LIMS1: variants seen among roughly 807,000 people sequenced by gnomAD.
LIMS1 encodes the protein LIM zinc finger domain containing 1.
LIMS1 carries 18 observed loss-of-function variants against 44.1 expected under a neutral mutation model. The ratio of observed to expected loss-of-function variants is 0.41; its 90% confidence interval spans 0.28 to 0.61. LIMS1 has a LOEUF of 0.61. Among genes scored for constraint, LIMS1 ranks in the 20% least tolerant of loss-of-function variants. The pLI, the probability that LIMS1 is intolerant of heterozygous loss-of-function variation, is 0.32. For synonymous variants in LIMS1, 93 were observed against 149.1 expected (o/e 0.62, Z 2.74); for missense variants, 201 against 422.0 (o/e 0.48, Z 4.59).
chr2:108,647,486 C>G (rs1311150206), intron 1 of LIMS1, among the ~76,000 whole-genome samples: 1 of 152,172 alleles, frequency 6.6e-6, no homozygotes, highest in African/African-American at 2.4e-5. Flanking sequence ...CATCCTGATA[C>G]CAAAACCTGG....
At chr2:108,596,994 T>C (rs1462328197) in intron 1 of LIMS1, among the ~76,000 whole-genome samples, 2 of 141,634 alleles carry the variant, frequency 1.4e-5, no homozygotes, top group African/African-American at 5.2e-5. Context: ...CTGCAACTTC[T>C]GCCTCCTGGG....
At chr2:108,551,875 A>C (rs1573312445) in intron 1 of LIMS1, among the ~76,000 whole-genome samples, 1 of 145,940 alleles carries the variant, frequency 6.9e-6, no homozygotes, top group East Asian at 2.0e-4. Context: ...ATGTATACAT[A>C]TGTATATATG....
intron 1 of LIMS1, among the ~76,000 whole-genome samples, chr2:108,577,302 C>T (rs1685706564): frequency 6.6e-6 from 1 of 152,238 alleles, no homozygotes; most frequent in Non-Finnish European, 1.5e-5. Flanking sequence ...CCGTGATGAA[C>T]CCGGTAAGGC....
intron 1 of LIMS1, among the ~76,000 whole-genome samples, chr2:108,543,965 C>T (rs1047279484): frequency 6.6e-6 from 1 of 152,068 alleles, no homozygotes; most frequent in Non-Finnish European, 1.5e-5. Flanking sequence ...ATCACTTGAG[C>T]CTGGGAGGTT....
chr2:108,546,633 A>G (rs1370089701), intron 1 of LIMS1, among the ~76,000 whole-genome samples: 1 of 150,048 alleles, frequency 6.7e-6, no homozygotes, highest in Non-Finnish European at 1.5e-5. Flanking sequence ...AAACCAGCAG[A>G]GCCTAGTGGA....
At chr2:108,659,677 C>T (rs375236817) in exon 2 of LIMS1, 27 of 1,612,266 alleles carry the variant, frequency 1.7e-5, no homozygotes, top group Middle Eastern at 2.1e-4. Context: ...CTGAGAAGAT[C>T]GTGAACAGTA....
At chr2:108,622,208 T>A (rs1270205065) in intron 1 of LIMS1, among the ~76,000 whole-genome samples, 1 of 152,214 alleles carries the variant, frequency 6.6e-6, no homozygotes, top group African/African-American at 2.4e-5. Context: ...GACTTCCTTT[T>A]TTTAAATTAC....
At chr2:108,643,803 C>T (rs10170690) in intron 1 of LIMS1, among the ~76,000 whole-genome samples, 62,580 of 151,994 alleles carry the variant, frequency 0.41, 14,839 homozygotes, top group East Asian at 0.94. Context: ...AGACTGAGCT[C>T]GACCTGGGAT....
intron 1 of LIMS1, among the ~76,000 whole-genome samples, chr2:108,597,118 AG>A (rs1279003442): frequency 1.3e-5 from 2 of 151,796 alleles, no homozygotes; most frequent in Non-Finnish European, 2.9e-5. Context: ...CTTGTTGGCC[AG>A]GCTGATCTCG....
intron 1 of LIMS1, among the ~76,000 whole-genome samples, chr2:108,560,473 C>G (rs957656311): frequency 2.6e-5 from 4 of 151,966 alleles, no homozygotes; most frequent in Non-Finnish European, 5.9e-5. Flanking sequence ...CTCAAACTCA[C>G]CAGCGGGGCT....
intron 6 of LIMS1, 115 bp downstream of exon 6, chr2:108,676,143 T>C: frequency 2.3e-6 from 3 of 1,306,862 alleles, no homozygotes; most frequent in Non-Finnish European, 2.1e-6. Context: ...CAAATCTTCA[T>C]GATTCAGGTG....
chr2:108,595,240 A>C (rs1392833776), intron 1 of LIMS1, among the ~76,000 whole-genome samples: 1 of 152,126 alleles, frequency 6.6e-6, no homozygotes, highest in African/African-American at 2.4e-5. Flanking sequence ...CAAATCTACT[A>C]ACCATTAGGA....
intron 1 of LIMS1, among the ~76,000 whole-genome samples, chr2:108,567,852 G>A (rs938807084): frequency 3.9e-5 from 6 of 152,246 alleles, no homozygotes; most frequent in Middle Eastern, 6.8e-3. Context: ...GATTACAGGC[G>A]TGAGCCACCT....
At chr2:108,628,809 T>C (rs1238159326) in intron 1 of LIMS1, among the ~76,000 whole-genome samples, 1 of 152,188 alleles carries the variant, frequency 6.6e-6, no homozygotes, top group Non-Finnish European at 1.5e-5. Flanking sequence ...TAATGAGTTT[T>C]ATGAAGGTTC....
chr2:108,599,484 A>G (rs1411789619), intron 1 of LIMS1, among the ~76,000 whole-genome samples: 1 of 152,054 alleles, frequency 6.6e-6, no homozygotes, highest in Non-Finnish European at 1.5e-5. Flanking sequence ...GGCTATTGTG[A>G]TCAGTGCTGC....
rs113015874 is a variant in LIMS1, at chr2:108,650,413, C to CTT, written c.33-9177_33-9176dup. 1.5e-3 allele frequency among the ~76,000 whole-genome samples: 220 copies of CTT among 145,190 alleles called. 1 individual carries two copies. Among genetic ancestry groups the CTT allele is most frequent in the African/African-American group, 5.2e-3 (208 of 39,630 alleles). On this transcript the variant is annotated intron_variant, in intron 1 of 9. Transcript: ENST00000544547. The stretch of plus-strand genomic sequence containing the variant: ...TGCCGCCTAAACTTTCTTTTCTTTT[C>CTT]TTTTTTTTTTTTTTTTCTTTCGAGA...
At chr2:108,594,933 T>C (rs1686589487) in intron 1 of LIMS1, among the ~76,000 whole-genome samples, 1 of 152,034 alleles carries the variant, frequency 6.6e-6, no homozygotes. Flanking sequence ...AAATCGAATG[T>C]AGAGGCCCTG....
intron 1 of LIMS1, among the ~76,000 whole-genome samples, chr2:108,567,738 A>T (rs1007953930): frequency 6.6e-6 from 1 of 152,016 alleles, no homozygotes; most frequent in Non-Finnish European, 1.5e-5. Context: ...TGCCTGGCTA[A>T]TTTTTGTATT....
chr2:108,587,290 TTGTGTGTGTGTGTGTGTGTGTGTG>T (rs58815332), intron 1 of LIMS1, among the ~76,000 whole-genome samples: 4 of 106,024 alleles, frequency 3.8e-5, no homozygotes, highest in African/African-American at 1.2e-4. Context: ...TTCTTGGGGT[TTGTGTGTGTGTGTGTGTGTGTGTG>T]TGTGTGTGTG....
Sources: gnomAD v4.1 joint callset for allele counts (sites outside exome capture counted in the v4.1 genomes callset) on GRCh38, gnomAD v4.1.1 for gene constraint, MANE v1.5 for transcripts, NCBI Gene and HGNC (gene_info 2026-07-23, HGNC 2026-07-21) for gene names.